The following SH2D3C variants were observed in gnomAD, a reference collection of about 807,000 sequenced individuals.
The protein encoded by SH2D3C is SH2 domain containing 3C, also known as SH2 domain-containing protein 3C.
A neutral mutation model predicts 75.2 loss-of-function variants in SH2D3C; 25 were observed. The observed-to-expected ratio is 0.33, with a 90% confidence interval of 0.24 to 0.46. The LOEUF (loss-of-function observed/expected upper bound fraction) is 0.46, where lower values mean the gene tolerates loss of function less well. Ranked by LOEUF, SH2D3C falls within the 20% of genes least tolerant of loss-of-function variation. The probability of loss-of-function intolerance (pLI) is 1.00; values close to 1 mark genes in which losing one functional copy is unlikely to be tolerated. For synonymous variants in SH2D3C, 450 were observed against 473.7 expected (o/e 0.95, Z 0.65); for missense variants, 933 against 1,165.3 (o/e 0.80, Z 2.90).
In SH2D3C at chr9:127,749,710, G is replaced by A. The variant is rs1382037670; in HGVS notation, c.685-45C>T. The A allele has an allele frequency of 7.6e-6, 10 of 1,309,088 alleles. No individual in the cohort carries two copies. The Admixed American group carries it at 2.0e-4, about 26-fold the overall frequency. The allele number at this position is 1,309,088 out of a possible 1,614,324, so 81.1% of individuals were successfully genotyped here. A position where few individuals can be genotyped will look rare whatever the true frequency, so the allele number is the denominator to read the frequency against. ...GCTGGAGTAGGGTGGGGCCAGGAGA[G>A]GGTCAGACCCAGGATCTGGGGGACA... is the stretch of plus-strand genomic sequence containing the variant. On this transcript the variant is annotated intron_variant, in intron 4 of 11. Transcript: ENST00000314830. The surrounding 1 kb of genome is among the most constrained non-coding windows in gnomAD (Gnocchi z 5.9).
intron 2 of SH2D3C, among the ~76,000 whole-genome samples, chr9:127,764,662 G>T (rs890064998): frequency 6.6e-6 from 1 of 151,974 alleles, no homozygotes; most frequent in Admixed American, 6.6e-5. Flanking sequence ...ATATTTTTCC[G>T]GCAGATATCC....
chr9:127,757,637 ATGATGATGAT>A (rs1265562814), intron 3 of SH2D3C, among the ~76,000 whole-genome samples: 1 of 88,558 alleles, frequency 1.1e-5, no homozygotes, highest in Non-Finnish European at 2.7e-5. Context: ...GATGATGATG[ATGATGATGAT>A]TATTATTATT....
chr9:127,771,803 G>C (rs1209967447), intron 2 of SH2D3C, among the ~76,000 whole-genome samples: 2 of 152,260 alleles, frequency 1.3e-5, no homozygotes, highest in Non-Finnish European at 2.9e-5. Context: ...GAATGTAGGA[G>C]GGGATGACAG....
At position 127,774,221 on chromosome 9, in the gene SH2D3C, C is replaced by T. The variant is rs766339295; in HGVS notation, c.284G>A (p.Arg95Gln). 66 of 1,613,770 alleles carry T rather than the reference C, an allele frequency of 4.1e-5. No homozygotes were observed. The highest frequency in any genetic ancestry group is 2.5e-4 in the African/African-American group (19 of 74,926). Residue 95 changes from arginine (R) to glutamine (Q), a missense_variant, in exon 2 of 12, where the codon CGG (arginine) becomes CAG (glutamine). Arg to Gln is a conservative substitution (Grantham distance 43). Coordinates refer to ENST00000314830, the MANE Select transcript of SH2D3C (RefSeq NM_170600.3). The surrounding 1 kb of genome is among the most constrained non-coding windows in gnomAD (Gnocchi z 4.3). ...IKKAQNSQAA[R>Q]QAQEAGPKPN... ...CTTGGGACCCGCCTCCTGGGCCTGC[C>T]GGGCAGCCTGTGAGTTCTGTGCTTT...
intron 3 of SH2D3C, among the ~76,000 whole-genome samples, chr9:127,752,590 T>TCTCGC (rs1223854853): frequency 1.3e-5 from 2 of 152,044 alleles, no homozygotes; most frequent in Non-Finnish European, 2.9e-5. Context: ...TATCCACAGA[T>TCTCGC]CTCGCCTCCT....
At position 127,739,680 on chromosome 9, in the gene SH2D3C, A is replaced by AC; in HGVS notation, c.2407+1dup. On this transcript the variant is annotated splice_donor_variant, in intron 11 of 11. Coordinates refer to ENST00000314830, the MANE Select transcript of SH2D3C (RefSeq NM_170600.3). LOFTEE classifies it high-confidence loss of function. This position sits in a 1 kb window ranked among gnomAD's most constrained non-coding sequence, Gnocchi z 4.3. ...CCCCCCAAGATGCCACCCGCCACTCACCCTGCAGCTTGACTTCAGCATTGG... is the reference window on the plus strand; with the variant it reads ...CCCCCCAAGATGCCACCCGCCACTCACCCCTGCAGCTTGACTTCAGCATTGG... The AC allele has an allele frequency of 6.3e-7, 1 of 1,596,640 alleles. No homozygotes were observed. Among genetic ancestry groups the AC allele is most frequent in the Non-Finnish European group, 8.6e-7 (1 of 1,168,450 alleles).
rs2233499 is a variant in SH2D3C, at chr9:127,751,190, A to G, written c.666T>C (p.His222=). ...STDLRSHAWY[H]GRIPREVSET... is the part of the protein sequence containing the mutation. ...TACTCACCTCTCGGGGGATGCGGCC[A>G]TGGTACCAGGCATGGCTGCGGAGAT... Residue 222 remains histidine, a synonymous_variant, in exon 4 of 12, where the codon CAT becomes CAC. Coordinates refer to ENST00000314830, the MANE Select transcript of SH2D3C (RefSeq NM_170600.3). The surrounding 1 kb of genome is among the most constrained non-coding windows in gnomAD (Gnocchi z 4.1). 0.031 allele frequency: 50,455 copies of G among 1,613,854 alleles called. 2,373 individuals carry two copies. The highest frequency in any genetic ancestry group is 0.22 in the African/African-American group (16,417 of 74,972).
intron 2 of SH2D3C, among the ~76,000 whole-genome samples, chr9:127,771,008 TAGA>T: frequency 6.6e-6 from 1 of 151,922 alleles, no homozygotes; most frequent in Non-Finnish European, 1.5e-5. Flanking sequence ...TTGTGTAGAG[TAGA>T]TAAGCAGATG....
At chr9:127,743,136 C>A (rs1265376171) in intron 7 of SH2D3C, among the ~76,000 whole-genome samples, 172 bp from the exon 8 acceptor site, 2 of 152,200 alleles carry the variant, frequency 1.3e-5, no homozygotes, top group Non-Finnish European at 2.9e-5. Flanking sequence ...CCTTTCTCAG[C>A]GAGCCTCAGT....
chr9:127,762,010 G>T, intron 2 of SH2D3C: 1 of 295,774 alleles, frequency 3.4e-6, no homozygotes, highest in South Asian at 4.0e-5. Context: ...CGCCTCCCTG[G>T]TTTTCTTCTT....
rs901007145 is a variant in SH2D3C, at chr9:127,777,636, G to A, written c.37+955C>T. On this transcript the variant is annotated intron_variant, in intron 1 of 11. Coordinates refer to ENST00000314830, the MANE Select transcript of SH2D3C (RefSeq NM_170600.3). ...CCTGCGGGCAGGGGATGGAGTGTGC[G>A]AATGCCTCCCCTGCCCGGCCGCAAG... Among the ~76,000 whole-genome samples, 107 of 152,236 alleles carry A rather than the reference G, an allele frequency of 7.0e-4. 1 individual carries two copies. Among genetic ancestry groups the A allele is most frequent in the African/African-American group, 2.4e-3 (100 of 41,534 alleles).
In SH2D3C at chr9:127,754,746, A is replaced by T; in HGVS notation, c.556-3446T>A. On this transcript the variant is annotated intron_variant, in intron 3 of 11. Coordinates refer to ENST00000314830, the MANE Select transcript of SH2D3C (RefSeq NM_170600.3). The surrounding 1 kb of genome is among the most constrained non-coding windows in gnomAD (Gnocchi z 4.4). Reference sequence around the variant, plus strand: ...GGTCAGCCGCAAGGGCCAGCGTACCAGGCGGAGGACCGGCAGGACGCCGGA... The same window carrying T: ...GGTCAGCCGCAAGGGCCAGCGTACCTGGCGGAGGACCGGCAGGACGCCGGA... The T allele has an allele frequency of 2.2e-6, 1 of 459,708 alleles. No individual in the cohort carries two copies. Among genetic ancestry groups the T allele is most frequent in the Non-Finnish European group, 4.5e-6 (1 of 220,400 alleles). The allele number at this position is 459,708 out of a possible 1,614,324, so 28.5% of individuals were successfully genotyped here. A position where few individuals can be genotyped will look rare whatever the true frequency, so the allele number is the denominator to read the frequency against.
chr9:127,760,733 A>G (rs748801647), intron 3 of SH2D3C, among the ~76,000 whole-genome samples: 5 of 151,878 alleles, frequency 3.3e-5, no homozygotes, highest in Non-Finnish European at 7.4e-5. Context: ...AAAATCAAAT[A>G]CCTCTCATGT....
intron 2 of SH2D3C, among the ~76,000 whole-genome samples, chr9:127,768,187 A>T (rs1303838691): frequency 6.6e-6 from 1 of 152,156 alleles, no homozygotes; most frequent in Non-Finnish European, 1.5e-5. Flanking sequence ...CTGGTGGGTA[A>T]TCGCTACCAG....
rs745868179 is a variant in SH2D3C at position 127,749,280 on chromosome 9, C to T, written c.1070G>A (p.Arg357Gln). ...PSGPKGSHMK[R>Q]RSVTMTDGLT... ...CCCATCGGTCATGGTGACGCTGCGC[C>T]GCTTCATGTGGCTGCCCTTGGGGCC... is the stretch of plus-strand genomic sequence containing the variant. Residue 357 changes from arginine to glutamine, a missense_variant, in exon 5 of 12, where the codon CGG becomes CAG. Transcript: ENST00000314830. This position sits in a 1 kb window ranked among gnomAD's most constrained non-coding sequence, Gnocchi z 5.9. 54 of 1,606,610 alleles carry T rather than the reference C, an allele frequency of 3.4e-5. No homozygotes were observed. The highest frequency in any genetic ancestry group is 1.6e-4 in the Middle Eastern group (1 of 6,064).
At chr9:127,778,018 C>T (rs1005679766) in intron 1 of SH2D3C, among the ~76,000 whole-genome samples, 2 of 152,018 alleles carry the variant, frequency 1.3e-5, no homozygotes, top group African/African-American at 2.4e-5. Context: ...GATGCAGTCT[C>T]GCTGTGTCGC....
Position 127,756,463 on chromosome 9 carries a change from GTTGT to G in SH2D3C, c.555+5144_555+5147del, listed in dbSNP as rs375483099. ...GGTGAGTCCACCTCTCTGGGCCTCAGTTGTTTGTTTGTTTTCTGTAAATACATCT... is the reference window on the plus strand; with the variant it reads ...GGTGAGTCCACCTCTCTGGGCCTCAGTTGTTTGTTTTCTGTAAATACATCT... On this transcript the variant is annotated intron_variant, in intron 3 of 11. Transcript: ENST00000314830. Among the ~76,000 whole-genome samples the G allele has an allele frequency of 8.6e-4, 131 of 152,162 alleles. 2 individuals are homozygous for G. Among genetic ancestry groups the G allele is most frequent in the Non-Finnish European group, 1.6e-3 (111 of 68,024 alleles).
At position 127,739,702 on chromosome 9, in the gene SH2D3C, T is replaced by C. The variant is rs1298573982; in HGVS notation, c.2387A>G (p.Asn796Ser). The C allele has an allele frequency of 6.2e-7, 1 of 1,608,210 alleles. No homozygotes were observed. The highest frequency in any genetic ancestry group is 1.3e-5 in the African/African-American group (1 of 74,790). The change falls in exon 11 of 12, where the codon AAT becomes AGT. Residue 796 changes from asparagine to serine, a missense_variant. By Grantham distance (46) the Asn-to-Ser change is conservative (BLOSUM62 1). Transcript: ENST00000314830. This position sits in a 1 kb window ranked among gnomAD's most constrained non-coding sequence, Gnocchi z 4.3. ...VAHHGGLYHT[N>S]AEVKLQGFQA... is the part of the protein sequence containing the mutation. ...CTCACCCTGCAGCTTGACTTCAGCA[T>C]TGGTGTGGTACAGGCCTCCGTGGTG...
intron 5 of SH2D3C, among the ~76,000 whole-genome samples, chr9:127,748,820 C>T (rs1845110338): frequency 6.6e-6 from 1 of 152,210 alleles, no homozygotes; most frequent in Admixed American, 6.5e-5. Context: ...CCCACCTTGG[C>T]CTAGCTGGGT....
Sources: gnomAD v4.1 joint callset for allele counts (sites outside exome capture counted in the v4.1 genomes callset) on GRCh38, gnomAD v4.1.1 for gene constraint, Gnocchi (gnomAD v3.1) non-coding constraint, MANE v1.5 for transcripts, NCBI Gene and HGNC (gene_info 2026-07-23, HGNC 2026-07-21) for gene names.